Variants in NF1 observed in about 807,000 individuals in gnomAD.
NF1 encodes neurofibromin.
Under a neutral mutation model 325.7 loss-of-function variants are expected in NF1, and 122 were observed. The ratio of observed to expected loss-of-function variants is 0.37; its 90% confidence interval spans 0.32 to 0.44. The LOEUF is 0.44. Ranked by LOEUF, NF1 falls within the 20% of genes least tolerant of loss-of-function variation. NF1 has a pLI of 1.00. For missense variants in NF1, 2,140 were observed against 3,415.4 expected (o/e 0.63, Z 9.31); for synonymous variants, 1,091 against 1,186.0 (o/e 0.92, Z 1.65).
intron 1 of NF1, among the ~76,000 whole-genome samples, chr17:31,129,560 G>T (rs887240827): frequency 6.7e-6 from 1 of 149,268 alleles, no homozygotes; most frequent in Non-Finnish European, 1.5e-5. Context: ...CTCCTGAGTT[G>T]CTGGGATTGC....
chr17:31,245,700 G>A (rs1219990485), intron 29 of NF1, among the ~76,000 whole-genome samples: 1 of 152,192 alleles, frequency 6.6e-6, no homozygotes, highest in Admixed American at 6.5e-5. Flanking sequence ...CAGCTTCCAT[G>A]CTGTCTCCAG....
chr17:31,334,753 AT>A (rs771938333), intron 39 of NF1, 84 bp from the exon 40 acceptor site: 25 of 1,146,020 alleles, frequency 2.2e-5, no homozygotes, highest in South Asian at 5.0e-5. Context: ...ACCTTTTACC[AT>A]TTTTTCCCCG....
intron 36 of NF1, among the ~76,000 whole-genome samples, chr17:31,292,028 A>G (rs1224943831): frequency 6.6e-6 from 1 of 152,162 alleles, no homozygotes; most frequent in Non-Finnish European, 1.5e-5. Flanking sequence ...TGAAGGGTTT[A>G]TGTGAATTAT....
At chr17:31,117,870 T>C (rs904283329) in intron 1 of NF1, among the ~76,000 whole-genome samples, 2 of 152,096 alleles carry the variant, frequency 1.3e-5, no homozygotes, top group African/African-American at 4.8e-5. Flanking sequence ...AACCAAATCA[T>C]GATATGTATT....
chr17:31,176,589 A>G (rs1276006744), intron 5 of NF1, among the ~76,000 whole-genome samples: 1 of 152,112 alleles, frequency 6.6e-6, no homozygotes, highest in Non-Finnish European at 1.5e-5. Flanking sequence ...CCCCATGCCT[A>G]TGTCCTGAAT....
chr17:31,299,900 T>G (rs2068540138), intron 36 of NF1, among the ~76,000 whole-genome samples: 1 of 152,076 alleles, frequency 6.6e-6, no homozygotes, highest in South Asian at 2.1e-4. Context: ...TTGGGAAGAT[T>G]TAATTTGTTC....
At chr17:31,165,349 A>C (rs933909401) in intron 4 of NF1, among the ~76,000 whole-genome samples, 1 of 152,224 alleles carries the variant, frequency 6.6e-6, no homozygotes, top group South Asian at 2.1e-4. Context: ...ACATTGTTTC[A>C]GACAACTGCA....
chr17:31,253,250 G>A, intron 31 of NF1: 5 of 418,056 alleles, frequency 1.2e-5, no homozygotes, highest in Non-Finnish European at 1.8e-5. Flanking sequence ...GGATATCCTT[G>A]GTCTAATTTT....
intron 3 of NF1, 142 bp from the exon 4 acceptor site, chr17:31,163,044 C>T (rs1012141454): frequency 2.2e-5 from 16 of 726,656 alleles, no homozygotes; most frequent in Admixed American, 1.6e-4. Flanking sequence ...TATGATGAAA[C>T]GTTAACAGTT....
rs752591958 is a variant in NF1 at position 31,225,126 on chromosome 17, T to C, written c.1877T>C (p.Leu626Pro). The change falls in exon 17 of 58, where the codon CTT becomes CCT. Residue 626 changes from leucine (L) to proline (P), a missense_variant. Leu to Pro is a moderately conservative substitution (Grantham distance 98). Around this residue, in one of 10 missense-constraint regions of NF1, gnomAD observed 45 missense variants for 42.5 expected, o/e 1.06. Coordinates refer to ENST00000358273, the MANE Select transcript of NF1 (RefSeq NM_001042492.3). ...QADRSSCHFL[L>P]FYGVGCDIPS... ...GATAGAAGTTCCTGTCACTTTCTCCTTTTTTACGGGGTAGGATGTGATATT... is the reference window on the plus strand; with the variant it reads ...GATAGAAGTTCCTGTCACTTTCTCCCTTTTTACGGGGTAGGATGTGATATT... 2 of 1,613,578 alleles carry C rather than the reference T, an allele frequency of 1.2e-6. No individual in the cohort carries two copies. The highest frequency in any genetic ancestry group is 1.7e-6 in the Non-Finnish European group (2 of 1,179,654).
At chr17:31,184,337 T>C (rs2066192273) in intron 8 of NF1, among the ~76,000 whole-genome samples, 1 of 152,070 alleles carries the variant, frequency 6.6e-6, no homozygotes, top group Non-Finnish European at 1.5e-5. Context: ...GCTCCTAAAT[T>C]CAGTGGACAA....
intron 3 of NF1, among the ~76,000 whole-genome samples, chr17:31,159,404 C>G (rs542218870): frequency 3.3e-5 from 5 of 152,136 alleles, no homozygotes; most frequent in Admixed American, 6.5e-5. Context: ...ACGGATCTCT[C>G]AGAGAGTTGT....
chr17:31,141,525 G>A (rs528752420), intron 1 of NF1, among the ~76,000 whole-genome samples: 1 of 152,190 alleles, frequency 6.6e-6, no homozygotes, highest in South Asian at 2.1e-4. Flanking sequence ...GATCTGTTGG[G>A]ATAAAGTCTT....
intron 36 of NF1, among the ~76,000 whole-genome samples, chr17:31,292,400 A>G (rs1293366385): frequency 2.0e-5 from 3 of 152,182 alleles, no homozygotes; most frequent in East Asian, 1.9e-4. Flanking sequence ...ATTTCTTTGG[A>G]AGGAAATACT....
At chr17:31,295,415 T>C in intron 36 of NF1, 1 of 1,614,142 alleles carries the variant, frequency 6.2e-7, no homozygotes, top group Non-Finnish European at 8.5e-7. Context: ...TGTTCGATAT[T>C]GTTTGGGTAT....
At chr17:31,183,404 T>G (rs918970821) in intron 8 of NF1, 1 of 152,318 alleles carries the variant, frequency 6.6e-6, no homozygotes, top group South Asian at 2.1e-4. Flanking sequence ...GCTGAATGAT[T>G]TATTACTTTG....
At chr17:31,117,672 CAAAAAAAA>C (rs780828438) in intron 1 of NF1, among the ~76,000 whole-genome samples, 20 of 19,812 alleles carry the variant, frequency 1.0e-3, no homozygotes, top group East Asian at 6.3e-3. Flanking sequence ...AACTCCATCT[CAAAAAAAA>C]AAAAAAAAAA....
intron 36 of NF1, among the ~76,000 whole-genome samples, chr17:31,280,897 C>CT (rs573238829): frequency 1.0e-4 from 15 of 149,560 alleles, no homozygotes; most frequent in African/African-American, 3.2e-4. Flanking sequence ...TTTTTATAGA[C>CT]TTTTTTTTCT....
intron 16 of NF1, among the ~76,000 whole-genome samples, chr17:31,224,456 A>G (rs562080264): frequency 5.3e-5 from 8 of 152,294 alleles, no homozygotes; most frequent in Admixed American, 1.3e-4. Flanking sequence ...AAATAGACTA[A>G]TGGTGAAGTG....
Sources: allele counts gnomAD v4.1 joint callset (sites outside exome capture counted in the v4.1 genomes callset), GRCh38; gene constraint gnomAD v4.1.1; regional missense constraint gnomAD v4.1.1; transcripts MANE v1.5; gene names NCBI Gene and HGNC (gene_info 2026-07-23, HGNC 2026-07-21).